Variants in ARNT2 observed in about 807,000 individuals in gnomAD.
ARNT2 encodes ARNT protein 2.
Under a neutral mutation model 91.7 loss-of-function variants are expected in ARNT2, and 36 were observed. The observed-to-expected ratio is 0.39, with a 90% CI of 0.30 to 0.52. The LOEUF is 0.52. Among genes scored for constraint, ARNT2 ranks in the 20% least tolerant of loss-of-function variants. ARNT2 has a pLI of 0.72. For missense variants in ARNT2, 775 were observed against 939.3 expected (o/e 0.83, Z 2.29); for synonymous variants, 365 against 347.1 (o/e 1.05, Z -0.57).
intron 1 of ARNT2, among the ~76,000 whole-genome samples, chr15:80,422,860 A>T (rs1895879443): frequency 6.6e-6 from 1 of 152,218 alleles, no homozygotes; most frequent in African/African-American, 2.4e-5. Context: ...TAAGGAGAAG[A>T]GTCTGGATTT....
In ARNT2 at chr15:80,594,675, T is replaced by A. The variant is rs1174231270; in HGVS notation, c.*977T>A. 1 of 152,418 alleles carries A rather than the reference T, an allele frequency of 6.6e-6. No homozygotes were observed. Among genetic ancestry groups the A allele is most frequent in the African/African-American group, 2.4e-5 (1 of 41,452 alleles). 9.4% of individuals were successfully genotyped at this position (152,418 alleles called of 1,614,324 possible). ...GTTCCTGATCCCACATAAGCATGTC[T>A]CATCCTTGCCCCACTGGTGAGAGGA... On this transcript the variant is annotated 3_prime_UTR_variant, in exon 19 of 19. Transcript: ENST00000303329.
At chr15:80,486,073 C>G (rs1473599469) in intron 5 of ARNT2, among the ~76,000 whole-genome samples, 2 of 152,152 alleles carry the variant, frequency 1.3e-5, no homozygotes, top group Non-Finnish European at 2.9e-5. Context: ...TCTCCTAGCT[C>G]TGGTGGTAGC....
At chr15:80,469,100 A>T (rs904171765) in intron 3 of ARNT2, among the ~76,000 whole-genome samples, 6 of 152,342 alleles carry the variant, frequency 3.9e-5, no homozygotes, top group Non-Finnish European at 8.8e-5. Flanking sequence ...CCTGCAGCAG[A>T]CATGGGATTT....
chr15:80,580,840 C>T (rs979223291), intron 16 of ARNT2, among the ~76,000 whole-genome samples: 8 of 152,222 alleles, frequency 5.3e-5, no homozygotes, highest in African/African-American at 1.9e-4. Context: ...CCCCTCACTA[C>T]TCTGGACCTC....
At chr15:80,552,047 A>G (rs1898090360) in intron 9 of ARNT2, among the ~76,000 whole-genome samples, 1 of 152,166 alleles carries the variant, frequency 6.6e-6, no homozygotes, top group South Asian at 2.1e-4. Context: ...TCCCTAGGAC[A>G]TTGAGGGTCT....
intron 2 of ARNT2, among the ~76,000 whole-genome samples, chr15:80,451,434 C>G (rs1240214770): frequency 6.6e-6 from 1 of 152,212 alleles, no homozygotes; most frequent in Non-Finnish European, 1.5e-5. Context: ...GGCTAAATCT[C>G]AGTGCTTGAA....
At chr15:80,483,642 C>T (rs556763750) in intron 5 of ARNT2, among the ~76,000 whole-genome samples, 25 of 152,328 alleles carry the variant, frequency 1.6e-4, no homozygotes, top group African/African-American at 5.3e-4. Context: ...GTTCAGCAGG[C>T]GGCATCCTCC....
chr15:80,554,787 CAA>C (rs1566999732), intron 10 of ARNT2: 9 of 321,642 alleles, frequency 2.8e-5, no homozygotes, highest in Middle Eastern at 8.8e-4. Context: ...CCAAGACAAA[CAA>C]AAATAAAATT....
At position 80,555,088 on chromosome 15, in the gene ARNT2, G is replaced by A; in HGVS notation, c.1113G>A (p.Leu371=). ...AGGATCTTCTGGGAAAGGACATTTT[G>A]GAATTCTGCCACCCTGAGGATCAAA... ...QPQDLLGKDI[L]EFCHPEDQSH... is the part of the protein sequence containing the mutation. Residue 371 remains leucine, a synonymous_variant, in exon 11 of 19, where the codon TTG becomes TTA. Transcript: ENST00000303329. 1.2e-6 allele frequency: 2 copies of A among 1,614,180 alleles called. No individual in the cohort carries two copies. Among genetic ancestry groups the A allele is most frequent in the Non-Finnish European group, 1.7e-6 (2 of 1,180,020 alleles).
chr15:80,485,480 G>T (rs2141406983), intron 5 of ARNT2, among the ~76,000 whole-genome samples: 1 of 152,320 alleles, frequency 6.6e-6, no homozygotes, highest in East Asian at 1.9e-4. Context: ...ACAGTTCAGT[G>T]GGGAAAAGAG....
chr15:80,540,824 A>G (rs895001681), intron 8 of ARNT2, among the ~76,000 whole-genome samples: 1 of 151,936 alleles, frequency 6.6e-6, no homozygotes, highest in Non-Finnish European at 1.5e-5. Flanking sequence ...AGAGGACATG[A>G]TTTCATTCTT....
chr15:80,488,886 G>A (rs1378472871), intron 5 of ARNT2, among the ~76,000 whole-genome samples: 1 of 152,098 alleles, frequency 6.6e-6, no homozygotes, highest in African/African-American at 2.4e-5. Flanking sequence ...AAAGAGTCTT[G>A]ATTTCCTAAT....
intron 1 of ARNT2, among the ~76,000 whole-genome samples, chr15:80,424,432 T>C (rs1341626172): frequency 6.6e-6 from 1 of 152,210 alleles, no homozygotes; most frequent in East Asian, 1.9e-4. Context: ...GAAGATGTCC[T>C]CATCCAAGAT....
chr15:80,508,738 A>G (rs1165262421), intron 6 of ARNT2, among the ~76,000 whole-genome samples: 1 of 152,222 alleles, frequency 6.6e-6, no homozygotes, highest in African/African-American at 2.4e-5. Flanking sequence ...TGCCTTGAGG[A>G]TGAAGGCTTT....
chr15:80,490,986 G>A (rs903651667), intron 5 of ARNT2, among the ~76,000 whole-genome samples: 4 of 152,206 alleles, frequency 2.6e-5, no homozygotes, highest in African/African-American at 9.6e-5. Flanking sequence ...GGAGAGTGGA[G>A]CAGGGAAAGG....
chr15:80,539,454 T>C (rs576847487), intron 8 of ARNT2, among the ~76,000 whole-genome samples: 15 of 152,268 alleles, frequency 9.9e-5, no homozygotes, highest in African/African-American at 2.6e-4. Flanking sequence ...TTTCTTAACA[T>C]AGATGAAACA....
chr15:80,467,920 T>C (rs969679422), intron 3 of ARNT2, among the ~76,000 whole-genome samples: 7 of 152,144 alleles, frequency 4.6e-5, no homozygotes, highest in Non-Finnish European at 1.0e-4. Flanking sequence ...GGAAGTCCTG[T>C]ATCTCCTCCA....
chr15:80,587,063 AGACCTCTCCATCC>A (rs1234423892), intron 17 of ARNT2, among the ~76,000 whole-genome samples: 1 of 152,182 alleles, frequency 6.6e-6, no homozygotes, highest in Non-Finnish European at 1.5e-5. Flanking sequence ...GGGGAATTAT[AGACCTCTCCATCC>A]CTAATACTAG....
At chr15:80,487,523 A>G (rs1019835778) in intron 5 of ARNT2, among the ~76,000 whole-genome samples, 1 of 152,226 alleles carries the variant, frequency 6.6e-6, no homozygotes, top group African/African-American at 2.4e-5. Flanking sequence ...CCAGCTCAGG[A>G]CATAGTCTGT....
Sources: allele counts gnomAD v4.1 joint callset (sites outside exome capture counted in the v4.1 genomes callset), GRCh38; gene constraint gnomAD v4.1.1; transcripts MANE v1.5; gene names NCBI Gene and HGNC (gene_info 2026-07-23, HGNC 2026-07-21).